Variants in HMCN2 observed in about 807,000 individuals in gnomAD.
HMCN2 encodes hemicentin 2, also known as hemicentin-2.
In HMCN2, 325 loss-of-function variants were observed where a neutral mutation model predicts 377.5. The ratio of observed to expected loss-of-function variants is 0.86; its 90% CI spans 0.79 to 0.94. The LOEUF (loss-of-function observed/expected upper bound fraction) is 0.94, where lower values mean the gene tolerates loss of function less well. Ranked by LOEUF, HMCN2 falls within the 40% of genes least tolerant of loss-of-function variation. The pLI is 0.00. For missense variants in HMCN2, 4,543 were observed against 4,725.3 expected (o/e 0.96, Z 1.13); for synonymous variants, 2,007 against 2,046.8 (o/e 0.98, Z 0.53).
At position 130,392,099 on chromosome 9, in the gene HMCN2, G is replaced by A. The variant is rs537808722; in HGVS notation, c.10117G>A (p.Gly3373Ser). The change falls in exon 66 of 98, where the codon GGC becomes AGC. Residue 3373 changes from glycine to serine, a missense_variant. Gly to Ser is a moderately conservative substitution (Grantham distance 56, BLOSUM62 0). Transcript: ENST00000683500. ...LPLSQRTLLH[G>S]SGHTLRISKV... is the part of the protein sequence containing the mutation. ...GCTCTCCCAGCGCACCCTCCTCCAC[G>A]GCTCTGGCCACACCCTCAGGTAGGG... The A allele has an allele frequency of 1.6e-4, 157 of 988,286 alleles. 1 individual carries two copies. In the South Asian group the frequency reaches 4.3e-3, roughly 27 times the overall value. The allele number at this position is 988,286 out of a possible 1,614,324, so 61.2% of individuals were successfully genotyped here.
At chr9:130,287,551 T>TA (rs142931668) in intron 4 of HMCN2, among the ~76,000 whole-genome samples, 1,074 of 93,266 alleles carry the variant, frequency 0.012, 24 homozygotes, top group African/African-American at 0.022. Context: ...AACTCTGTCT[T>TA]AAAAAAAAAA....
Position 130,404,145 on chromosome 9 carries a change from G to A in HMCN2, c.12148+270G>A, listed in dbSNP as rs1011333304. On this transcript the variant is annotated intron_variant, in intron 80 of 97. Coordinates refer to ENST00000683500, the MANE Select transcript of HMCN2 (RefSeq NM_001291815.2). ...CTGTAGCCTCTCTGGCCCTGCTCTG[G>A]CACACACACAATTACATGTGCCCTT... 1.1e-4 allele frequency among the ~76,000 whole-genome samples: 16 copies of A among 152,114 alleles called. 1 individual carries two copies. The highest frequency in any genetic ancestry group is 3.6e-4 in the African/African-American group (15 of 41,414).
Position 130,303,558 on chromosome 9 carries a change from C to A in HMCN2, c.1493C>A (p.Ala498Asp). The change falls in exon 10 of 98, where the codon GCC becomes GAC. Residue 498 changes from alanine (A) to aspartate (D), a missense_variant. Coordinates refer to ENST00000683500, the MANE Select transcript of HMCN2 (RefSeq NM_001291815.2). The surrounding 1 kb of genome is among the most constrained non-coding windows in gnomAD (Gnocchi z 5.2). ...GAGGAGGGCACGTACGAGTGCACAG[C>A]CGTCAGCAGGGCTGGGACCGGGCGA... is the stretch of plus-strand genomic sequence containing the variant. Reference protein sequence around the residue: ...KAEEGTYECTAVSRAGTGRAK... With the variant: ...KAEEGTYECTDVSRAGTGRAK... 1 of 393,894 alleles carries A rather than the reference C, an allele frequency of 2.5e-6. No homozygotes were observed. Among genetic ancestry groups the A allele is most frequent in the South Asian group, 1.8e-5 (1 of 54,248 alleles). 24.4% of individuals were successfully genotyped at this position (393,894 alleles called of 1,614,324 possible).
chr9:130,425,603 C>A, intron 89 of HMCN2, 84 bp from the exon 90 acceptor site: 1 of 996,294 alleles, frequency 1.0e-6, no homozygotes, highest in South Asian at 1.5e-5. Context: ...GAAATCTCAG[C>A]ATTTTCCTCC....
At chr9:130,429,896 C>A in intron 94 of HMCN2, 2 of 938,166 alleles carry the variant, frequency 2.1e-6, no homozygotes, top group Non-Finnish European at 3.0e-6. Context: ...TGGGTGCCTG[C>A]CTGTGCACCA....
chr9:130,328,083 G>T (rs1838242117), intron 22 of HMCN2, among the ~76,000 whole-genome samples: 1 of 152,204 alleles, frequency 6.6e-6, no homozygotes, highest in East Asian at 1.9e-4. Flanking sequence ...AGCCCTGGCA[G>T]GGTCTTTGAG....
chr9:130,351,356 C>T lies in HMCN2; in HGVS notation c.4431-67C>T. 8.4e-7 allele frequency: 1 copy of T among 1,184,356 alleles called. No homozygotes were observed. Among genetic ancestry groups the T allele is most frequent in the South Asian group, 1.4e-5 (1 of 69,120 alleles). The allele number at this position is 1,184,356 out of a possible 1,614,324, so 73.4% of individuals were successfully genotyped here. A position where few individuals can be genotyped will look rare whatever the true frequency, so the allele number is the denominator to read the frequency against. On this transcript the variant is annotated intron_variant, in intron 29 of 97. Transcript: ENST00000683500. This position sits in a 1 kb window ranked among gnomAD's most constrained non-coding sequence, Gnocchi z 5.4. ...TCGCTTTTTACAAGCCACACACTCC[C>T]TGTGTGCAGCGTGTCCCATCCAGCC...
Position 130,349,006 on chromosome 9 carries a change from G to A in HMCN2, c.4178G>A (p.Arg1393His), listed in dbSNP as rs1226463845. The change falls in exon 28 of 98, where the codon CGC becomes CAC. Residue 1393 changes from arginine to histidine, a missense_variant. Physicochemically the swap from Arg to His is conservative, Grantham distance 29 (BLOSUM62 0). Transcript: ENST00000683500. ...CAGATTCCTAAGGTGGGCGGCCACC[G>A]CCTCCTGGACGAGGGCCAGTCCCTC... Reference protein sequence around the residue: ...AQLIPKVGGHRLLDEGQSLHF... With the variant: ...AQLIPKVGGHHLLDEGQSLHF... The A allele has an allele frequency of 1.2e-5, 16 of 1,303,982 alleles. No individual in the cohort carries two copies. The highest frequency in any genetic ancestry group is 5.5e-5 in the East Asian group (1 of 18,020). The allele number at this position is 1,303,982 out of a possible 1,614,324, so 80.8% of individuals were successfully genotyped here.
At chr9:130,429,502 G>A in intron 93 of HMCN2, 55 bp from the exon 94 acceptor site, 5 of 1,546,958 alleles carry the variant, frequency 3.2e-6, no homozygotes, top group East Asian at 2.4e-5. Context: ...CCGTCCCTTG[G>A]GGGAGGGGCC....
At position 130,304,866 on chromosome 9, in the gene HMCN2, G is replaced by A. The variant is rs782036753; in HGVS notation, c.1680G>A (p.Ser560=). Residue 560 remains serine (S), a synonymous_variant, in exon 11 of 98, where the codon TCG becomes TCA. Coordinates refer to ENST00000683500, the MANE Select transcript of HMCN2 (RefSeq NM_001291815.2). The surrounding 1 kb of genome is among the most constrained non-coding windows in gnomAD (Gnocchi z 4.3). ...GGGACTGGCGAGTCCTGCCGGCCTCGACGGGCCGAGTTGCCCAGCTGGCTG... is the reference window on the plus strand; with the variant it reads ...GGGACTGGCGAGTCCTGCCGGCCTCAACGGGCCGAGTTGCCCAGCTGGCTG... The part of the protein sequence containing the change: ...WVRDWRVLPA[S]TGRVAQLADL... 7 of 470,938 alleles carry A rather than the reference G, an allele frequency of 1.5e-5. No individual in the cohort carries two copies. The highest frequency in any genetic ancestry group is 8.8e-6 in the Non-Finnish European group (2 of 227,056). The allele number at this position is 470,938 out of a possible 1,614,324, so 29.2% of individuals were successfully genotyped here.
chr9:130,329,117 CA>C (rs1287563975), intron 22 of HMCN2, among the ~76,000 whole-genome samples: 4 of 152,180 alleles, frequency 2.6e-5, no homozygotes. Flanking sequence ...ATCACCCTCC[CA>C]AAAAAACTTC....
Position 130,354,843 on chromosome 9 carries a change from G to A in HMCN2, c.4945G>A (p.Val1649Met), listed in dbSNP as rs553381866. The A allele has an allele frequency of 3.2e-5, 42 of 1,304,124 alleles. No homozygotes were observed. Among genetic ancestry groups the A allele is most frequent in the South Asian group, 1.1e-4 (9 of 81,024 alleles). 80.8% of individuals were successfully genotyped at this position (1,304,124 alleles called of 1,614,324 possible). A position where few individuals can be genotyped will look rare whatever the true frequency, so the allele number is the denominator to read the frequency against. ...VAGRPVALEC[V>M]ARGHPSPTLS... Reference sequence around the variant, plus strand: ...TGGGAGGCCTGTGGCGCTGGAGTGCGTGGCCAGAGGCCACCCGTCCCCCAC... The same window carrying A: ...TGGGAGGCCTGTGGCGCTGGAGTGCATGGCCAGAGGCCACCCGTCCCCCAC... The change falls in exon 32 of 98, where the codon GTG (valine) becomes ATG (methionine). Residue 1649 changes from valine to methionine, a missense_variant. Physicochemically the swap from Val to Met is conservative, Grantham distance 21 (BLOSUM62 1). Around this residue, in one of 5 missense-constraint regions of HMCN2, gnomAD observed 1,032 missense variants for 1,285.1 expected, o/e 0.80. Transcript: ENST00000683500.
At chr9:130,339,535 G>A (rs1838939549) in intron 23 of HMCN2, among the ~76,000 whole-genome samples, 2 of 152,200 alleles carry the variant, frequency 1.3e-5, no homozygotes. Context: ...GACAGAGCTG[G>A]GTTTGAGTCC....
chr9:130,377,830 C>T (rs985544019), intron 53 of HMCN2, 31 bp downstream of exon 53: 9 of 985,792 alleles, frequency 9.1e-6, no homozygotes, highest in African/African-American at 1.7e-5. Flanking sequence ...AGGGGTGGGG[C>T]GTCAGCCAGT....
rs782288231 is a variant in HMCN2 at position 130,286,205 on chromosome 9, G to A, written c.507G>A (p.Thr169=). Residue 169 remains threonine (T), a synonymous_variant, in exon 4 of 98, where the codon ACG becomes ACA. Transcript: ENST00000683500. ...TCTTCCAGGTGGTCTTTGTGCTGAC[G>A]GGGGACTGTGGCGACCGCACCCATC... ...LKQSQVVFVL[T]GDCGDRTHPG... The A allele has an allele frequency of 1.5e-5, 7 of 470,832 alleles. No homozygotes were observed. The highest frequency in any genetic ancestry group is 6.9e-5 in the East Asian group (1 of 14,400). 29.2% of individuals were successfully genotyped at this position (470,832 alleles called of 1,614,324 possible).
chr9:130,323,044 G>A (rs909976850), intron 19 of HMCN2, among the ~76,000 whole-genome samples: 1 of 152,078 alleles, frequency 6.6e-6, no homozygotes, highest in East Asian at 1.9e-4. Context: ...GATCCAAATC[G>A]CCATCCAGGG....
intron 22 of HMCN2, among the ~76,000 whole-genome samples, chr9:130,334,813 T>G (rs1221362985): frequency 6.7e-6 from 1 of 148,954 alleles, no homozygotes; most frequent in African/African-American, 2.5e-5. Context: ...TCTCTCTCTC[T>G]CTCCTCTCTC....
At chr9:130,385,288 G>A (rs1370020923) in intron 59 of HMCN2, among the ~76,000 whole-genome samples, 6 of 152,124 alleles carry the variant, frequency 3.9e-5, no homozygotes, top group Non-Finnish European at 8.8e-5. Context: ...GCCTGCCCCT[G>A]TAGGAAAAAG....
rs1836761356 is a variant in HMCN2, at chr9:130,304,913, G to C, written c.1727G>C (p.Gly576Ala). 2.1e-6 allele frequency: 1 copy of C among 471,050 alleles called. No homozygotes were observed. Among genetic ancestry groups the C allele is most frequent in the South Asian group, 1.5e-5 (1 of 64,576 alleles). The allele number at this position is 471,050 out of a possible 1,614,324, so 29.2% of individuals were successfully genotyped here. Residue 576 changes from glycine (G) to alanine (A), a missense_variant, in exon 11 of 98, where the codon GGC (glycine) becomes GCC (alanine). Physicochemically the swap from Gly to Ala is moderately conservative, Grantham distance 60. Around this residue, in one of 5 missense-constraint regions of HMCN2, gnomAD observed 547 missense variants for 189.9 expected, o/e 2.88. Transcript: ENST00000683500. This position sits in a 1 kb window ranked among gnomAD's most constrained non-coding sequence, Gnocchi z 4.3. Reference sequence around the variant, plus strand: ...GCTGACCTGTCCCTGGAGATCAGTGGCATCATCCCCACAGACGGCGGGAGG... The same window carrying C: ...GCTGACCTGTCCCTGGAGATCAGTGCCATCATCCCCACAGACGGCGGGAGG... The part of the protein sequence containing the change: ...QLADLSLEIS[G>A]IIPTDGGRYQ...
Sources: allele counts gnomAD v4.1 joint callset (sites outside exome capture counted in the v4.1 genomes callset), GRCh38; gene constraint gnomAD v4.1.1; regional missense constraint gnomAD v4.1.1; non-coding constraint Gnocchi (gnomAD v3.1); transcripts MANE v1.5; gene names NCBI Gene and HGNC (gene_info 2026-07-23, HGNC 2026-07-21).